The following SGTB variants were observed in gnomAD, a reference collection of about 807,000 sequenced individuals.
SGTB encodes the protein small glutamine-rich tetratricopeptide repeat-containing protein beta.
Under a neutral mutation model 43.9 loss-of-function variants are expected in SGTB, and 19 were observed. That is an observed-to-expected ratio of 0.43 (90% CI 0.30 to 0.63). The LOEUF is 0.63. SGTB is among the 30% of genes least tolerant of loss of function. The pLI is 0.12. For synonymous variants in SGTB, 116 were observed against 117.3 expected, an observed-to-expected ratio of 0.99 and a Z score of 0.07; for missense variants, 304 against 358.9, an observed-to-expected ratio of 0.85 and a Z score of 1.24.
In SGTB at chr5:65,666,329, TAGAA is replaced by T. The variant is rs1207219840; in HGVS notation, c.*3913_*3916del. ...AAGTAAAGATTAAATAATGCCATCT[TAGAA>T]AGGATCTGTTTAACCTATATTATAA... On this transcript the variant is annotated 3_prime_UTR_variant, in exon 11 of 11. Transcript: ENST00000381007. The T allele has an allele frequency of 1.3e-5, 2 of 152,176 alleles. No individual in the cohort carries two copies. Among genetic ancestry groups the T allele is most frequent in the African/African-American group, 4.8e-5 (2 of 41,458 alleles). The allele number at this position is 152,176 out of a possible 1,614,324, so 9.4% of individuals were successfully genotyped here.
At chr5:65,700,764 C>T (rs1757800155) in intron 5 of SGTB, among the ~76,000 whole-genome samples, 1 of 150,328 alleles carries the variant, frequency 6.7e-6, no homozygotes, top group African/African-American at 2.4e-5. Flanking sequence ...AATCCCAGCA[C>T]TTTGGGAGGC....
chr5:65,670,202 T>C lies in SGTB; in HGVS notation c.*44A>G. ...CTATCTACAACAAATACTTCATTCA[T>C]AGCCATAAACCATTTGTATCTTGGG... On this transcript the variant is annotated 3_prime_UTR_variant, in exon 11 of 11. Transcript: ENST00000381007. 4 of 1,563,568 alleles carry C rather than the reference T, an allele frequency of 2.6e-6. No individual in the cohort carries two copies. The highest frequency in any genetic ancestry group is 3.4e-4 in the Middle Eastern group (2 of 5,958).
At chr5:65,716,013 G>C (rs556214398) in intron 2 of SGTB, among the ~76,000 whole-genome samples, 1 of 152,138 alleles carries the variant, frequency 6.6e-6, no homozygotes, top group Non-Finnish European at 1.5e-5. Flanking sequence ...CAAGTGATCC[G>C]CCCGCCTCGG....
chr5:65,669,670 C>A lies in SGTB; in HGVS notation c.*576G>T, dbSNP rs1198597508. ...CTACTTTCTAACAGCTCTTAAGATT[C>A]TCTGTTCACCAGAACAAGCAACATT... is the stretch of plus-strand genomic sequence containing the variant. On this transcript the variant is annotated 3_prime_UTR_variant, in exon 11 of 11. Coordinates refer to ENST00000381007, the MANE Select transcript of SGTB (RefSeq NM_019072.3). 6.6e-6 allele frequency: 1 copy of A among 152,604 alleles called. No homozygotes were observed. The highest frequency in any genetic ancestry group is 1.9e-4 in the East Asian group (1 of 5,194). The allele number at this position is 152,604 out of a possible 1,614,324, so 9.5% of individuals were successfully genotyped here.
At chr5:65,709,116 C>G (rs1026220773) in intron 3 of SGTB, among the ~76,000 whole-genome samples, 2 of 151,474 alleles carry the variant, frequency 1.3e-5, no homozygotes, top group Non-Finnish European at 2.9e-5. Context: ...ACCTGGCAAT[C>G]CTGCTTCATA....
chr5:65,671,122 A>G (rs1022642463), intron 10 of SGTB, among the ~76,000 whole-genome samples: 7 of 152,220 alleles, frequency 4.6e-5, no homozygotes, highest in African/African-American at 1.7e-4. Flanking sequence ...TAAACTATGT[A>G]TGTGTACCTA....
intron 8 of SGTB, among the ~76,000 whole-genome samples, chr5:65,679,950 C>T (rs916964906): frequency 9.9e-5 from 15 of 152,122 alleles, no homozygotes; most frequent in Admixed American, 7.9e-4. Flanking sequence ...AAAGAAAATG[C>T]GGTACATATA....
At chr5:65,717,490 T>C (rs1018611184) in intron 2 of SGTB, among the ~76,000 whole-genome samples, 2 of 151,110 alleles carry the variant, frequency 1.3e-5, no homozygotes, top group Non-Finnish European at 2.9e-5. Context: ...AGTAGAGGGG[T>C]TCCATTTAGA....
chr5:65,708,432 T>G, intron 4 of SGTB, 57 bp downstream of exon 4: 1 of 1,459,214 alleles, frequency 6.9e-7, no homozygotes, highest in East Asian at 2.3e-5. Context: ...TTGACAGTAA[T>G]TTCCTCCAGT....
At chr5:65,700,172 G>A (rs1020107042) in intron 5 of SGTB, among the ~76,000 whole-genome samples, 1 of 152,190 alleles carries the variant, frequency 6.6e-6, no homozygotes, top group Non-Finnish European at 1.5e-5. Flanking sequence ...TGTTGGTCTA[G>A]TTAGACTAAT....
At chr5:65,683,293 C>T (rs1211822246) in intron 6 of SGTB, among the ~76,000 whole-genome samples, 1 of 152,170 alleles carries the variant, frequency 6.6e-6, no homozygotes, top group African/African-American at 2.4e-5. Flanking sequence ...ACCTTATTCA[C>T]CCTCAGTTGA....
intron 5 of SGTB, 135 bp from the exon 6 acceptor site, chr5:65,685,607 C>CT (rs1388863414): frequency 1.6e-6 from 1 of 620,750 alleles, no homozygotes; most frequent in African/African-American, 1.8e-5. Flanking sequence ...GTCAAACTGT[C>CT]TAAGATAATT....
intron 8 of SGTB, among the ~76,000 whole-genome samples, chr5:65,680,264 A>G (rs1757368836): frequency 6.6e-6 from 1 of 152,172 alleles, no homozygotes; most frequent in African/African-American, 2.4e-5. Flanking sequence ...TGTGCAGCAA[A>G]CTACCATGGC....
At chr5:65,722,556 G>A (rs1758339868), upstream of SGTB, 2 of 739,766 alleles carry the variant, frequency 2.7e-6, no homozygotes, top group Non-Finnish European at 2.1e-6. Flanking sequence ...CTTGCAAGGT[G>A]GACCCCTGGG....
chr5:65,699,538 T>C (rs1298243925), intron 5 of SGTB, among the ~76,000 whole-genome samples: 1 of 152,194 alleles, frequency 6.6e-6, no homozygotes, highest in African/African-American at 2.4e-5. Flanking sequence ...GCTACTGAAA[T>C]ACATATATAT....
Position 65,669,570 on chromosome 5 carries a change from T to C in SGTB, c.*676A>G, listed in dbSNP as rs543102844. 3.9e-5 allele frequency: 6 copies of C among 152,422 alleles called. No individual in the cohort carries two copies. The South Asian group carries it at 1.2e-3, about 32-fold the overall frequency. The allele number at this position is 152,422 out of a possible 1,614,324, so 9.4% of individuals were successfully genotyped here. On this transcript the variant is annotated 3_prime_UTR_variant, in exon 11 of 11. Transcript: ENST00000381007. ...TTAGTTAAGAACTATGCAGAAAACCTGAGCATCCTACCTTTACTTTCTATA... is the reference window on the plus strand; with the variant it reads ...TTAGTTAAGAACTATGCAGAAAACCCGAGCATCCTACCTTTACTTTCTATA...
chr5:65,710,079 T>C (rs1758015879), intron 3 of SGTB, among the ~76,000 whole-genome samples: 1 of 152,160 alleles, frequency 6.6e-6, no homozygotes, highest in African/African-American at 2.4e-5. Context: ...TATCTACTAA[T>C]CAGTTTTCCC....
chr5:65,718,389 A>T (rs1284893839), intron 2 of SGTB, among the ~76,000 whole-genome samples: 1 of 152,228 alleles, frequency 6.6e-6, no homozygotes, highest in East Asian at 1.9e-4. Context: ...AGTGTTTGAG[A>T]TCACTGGATG....
chr5:65,721,564 A>C (rs1459435062), intron 1 of SGTB, among the ~76,000 whole-genome samples: 5 of 151,962 alleles, frequency 3.3e-5, no homozygotes, highest in Non-Finnish European at 5.9e-5. Flanking sequence ...CGCATCATCC[A>C]TCTGCTCCCC....
Sources: allele counts gnomAD v4.1 joint callset (sites outside exome capture counted in the v4.1 genomes callset), GRCh38; gene constraint gnomAD v4.1.1; transcripts MANE v1.5; gene names NCBI Gene and HGNC (gene_info 2026-07-23, HGNC 2026-07-21).